Variants in PLPPR4 observed in about 807,000 individuals in gnomAD.
PLPPR4 encodes the protein phospholipid phosphatase-related protein type 4.
In PLPPR4, 24 loss-of-function variants were observed where a neutral mutation model predicts 56.6. The ratio of observed to expected loss-of-function variants is 0.42; its 90% CI spans 0.31 to 0.60. The LOEUF (loss-of-function observed/expected upper bound fraction) is 0.60, where lower values mean the gene tolerates loss of function less well. Among genes scored for constraint, PLPPR4 ranks in the 20% least tolerant of loss-of-function variants. PLPPR4 has a pLI of 0.13. For synonymous variants in PLPPR4, 326 were observed against 328.1 expected (o/e 0.99, Z 0.07); for missense variants, 654 against 885.8 (o/e 0.74, Z 3.32).
chr1:99,270,369 G>A (rs1006532886), intron 1 of PLPPR4, among the ~76,000 whole-genome samples: 3 of 152,286 alleles, frequency 2.0e-5, no homozygotes, highest in East Asian at 1.9e-4. Flanking sequence ...CTTAGCAGTA[G>A]ATACGTTGCA....
At chr1:99,283,850 A>G (rs1007164503) in intron 1 of PLPPR4, among the ~76,000 whole-genome samples, 12 of 152,014 alleles carry the variant, frequency 7.9e-5, no homozygotes, top group Admixed American at 1.3e-4. Flanking sequence ...TACTCAGGAG[A>G]CTGAGGCAGG....
chr1:99,297,680 GA>G (rs1183966083), intron 3 of PLPPR4, among the ~76,000 whole-genome samples: 1 of 152,130 alleles, frequency 6.6e-6, no homozygotes, highest in East Asian at 1.9e-4. Flanking sequence ...CCCACAAGAG[GA>G]AAAATCAGGT....
At chr1:99,273,852 T>C (rs1659117220) in intron 1 of PLPPR4, among the ~76,000 whole-genome samples, 1 of 152,122 alleles carries the variant, frequency 6.6e-6, no homozygotes. Flanking sequence ...TGGAGACATT[T>C]TTATTTGTAA....
intron 6 of PLPPR4, among the ~76,000 whole-genome samples, chr1:99,303,992 TG>T (rs1216972159): frequency 6.6e-6 from 1 of 152,228 alleles, no homozygotes; most frequent in Admixed American, 6.5e-5. Flanking sequence ...GCAAAGGATT[TG>T]GTTATGAATC....
intron 1 of PLPPR4, among the ~76,000 whole-genome samples, chr1:99,280,007 A>C (rs1048141393): frequency 1.3e-5 from 2 of 152,212 alleles, no homozygotes; most frequent in African/African-American, 4.8e-5. Flanking sequence ...TGTTTGGGTG[A>C]TAAAGAATAA....
intron 1 of PLPPR4, 108 bp downstream of exon 1, chr1:99,264,779 G>A: frequency 8.1e-7 from 1 of 1,233,248 alleles, no homozygotes; most frequent in Non-Finnish European, 1.2e-6. Context: ...GGGCGCGCGC[G>A]GCTGTCCCCA....
intron 3 of PLPPR4, chr1:99,298,781 G>A (rs1000610512): frequency 9.9e-6 from 6 of 608,974 alleles, no homozygotes; most frequent in Non-Finnish European, 1.7e-5. Context: ...TACAGTTAAT[G>A]TTAAGAATTG....
chr1:99,298,997 C>A, intron 3 of PLPPR4, 38 bp from the exon 4 acceptor site: 1 of 1,443,354 alleles, frequency 6.9e-7, no homozygotes, highest in South Asian at 1.1e-5. Context: ...CTGACACAAC[C>A]ACCAACTTGG....
chr1:99,291,095 CA>C (rs200903167), intron 2 of PLPPR4, among the ~76,000 whole-genome samples: 5,781 of 136,580 alleles, frequency 0.042, 173 homozygotes, highest in East Asian at 0.15. Flanking sequence ...ACAAATTTAC[CA>C]AAAAAAAAAA....
intron 1 of PLPPR4, among the ~76,000 whole-genome samples, chr1:99,271,856 A>C (rs1659066104): frequency 6.6e-6 from 1 of 151,256 alleles, no homozygotes; most frequent in Non-Finnish European, 1.5e-5. Context: ...CAAGTCAAGC[A>C]GGATTAGAAG....
At chr1:99,268,205 G>A (rs549444354) in intron 1 of PLPPR4, among the ~76,000 whole-genome samples, 1 of 152,298 alleles carries the variant, frequency 6.6e-6, no homozygotes, top group South Asian at 2.1e-4. Flanking sequence ...TGACAAACAG[G>A]GTGATACAGT....
chr1:99,287,314 C>T (rs899695803), intron 1 of PLPPR4, among the ~76,000 whole-genome samples: 3 of 152,046 alleles, frequency 2.0e-5, no homozygotes, highest in Non-Finnish European at 4.4e-5. Context: ...GTGTTGGTTC[C>T]ATGTCTTTGC....
At chr1:99,275,440 T>G (rs1357605436) in intron 1 of PLPPR4, among the ~76,000 whole-genome samples, 1 of 152,162 alleles carries the variant, frequency 6.6e-6, no homozygotes, top group African/African-American at 2.4e-5. Flanking sequence ...AAAATTCTTT[T>G]TATTATTTAT....
intron 1 of PLPPR4, among the ~76,000 whole-genome samples, chr1:99,265,859 T>C (rs1303615883): frequency 2.0e-5 from 3 of 152,216 alleles, no homozygotes; most frequent in African/African-American, 4.8e-5. Context: ...TTGGAAGTTT[T>C]GTAGAAGTGT....
At chr1:99,285,157 T>C (rs1230276252) in intron 1 of PLPPR4, among the ~76,000 whole-genome samples, 1 of 152,200 alleles carries the variant, frequency 6.6e-6, no homozygotes, top group Non-Finnish European at 1.5e-5. Flanking sequence ...CTAGAATTCA[T>C]GGATTCAAAA....
chr1:99,291,017 T>C (rs1409135735), intron 2 of PLPPR4, among the ~76,000 whole-genome samples: 2 of 151,518 alleles, frequency 1.3e-5, no homozygotes, highest in African/African-American at 2.4e-5. Context: ...ACCTACAGAA[T>C]GGGAGAAAAT....
intron 1 of PLPPR4, among the ~76,000 whole-genome samples, chr1:99,277,630 G>C (rs1052033547): frequency 1.3e-5 from 2 of 151,764 alleles, no homozygotes; most frequent in African/African-American, 4.8e-5. Flanking sequence ...CAATGATTTT[G>C]CCATTCTTCT....
At chr1:99,277,030 T>A (rs556677548) in intron 1 of PLPPR4, among the ~76,000 whole-genome samples, 55 of 152,276 alleles carry the variant, frequency 3.6e-4, no homozygotes, top group Admixed American at 1.3e-3. Context: ...AACACTCTCA[T>A]AATAAGCAGA....
At chr1:99,264,457 G>A (rs751112774), upstream of PLPPR4, 329 of 1,498,658 alleles carry the variant, frequency 2.2e-4, no homozygotes, top group Middle Eastern at 4.5e-4. Flanking sequence ...TGCATGCAGC[G>A]CGCTGGCTCC....
Sources: gnomAD v4.1 joint callset for allele counts (sites outside exome capture counted in the v4.1 genomes callset) on GRCh38, gnomAD v4.1.1 for gene constraint, MANE v1.5 for transcripts, NCBI Gene and HGNC (gene_info 2026-07-23, HGNC 2026-07-21) for gene names.